NLRP5: variants seen among roughly 807,000 people sequenced by gnomAD.
NLRP5 encodes the protein NLR family pyrin domain containing 5, also known as NACHT, LRR and PYD domains-containing protein 5.
NLRP5 carries 93 observed loss-of-function variants against 113.1 expected under a neutral mutation model. That is an observed-to-expected ratio of 0.82 (90% CI 0.70 to 0.98). The LOEUF is 0.98. NLRP5 is among the 50% of genes least tolerant of loss of function. NLRP5 has a pLI of 0.00. For missense variants in NLRP5, 1,808 were observed against 1,514.3 expected (o/e 1.19, Z -3.22); for synonymous variants, 751 against 600.7 (o/e 1.25, Z -3.66).
chr19:56,045,563 C>T (rs1452550933), intron 11 of NLRP5, among the ~76,000 whole-genome samples: 1 of 152,034 alleles, frequency 6.6e-6, no homozygotes, highest in African/African-American at 2.4e-5. Context: ...CCTCCTCCGA[C>T]CCCACAACAG....
At chr19:56,013,717 C>T (rs1982301724) in intron 3 of NLRP5, among the ~76,000 whole-genome samples, 1 of 148,578 alleles carries the variant, frequency 6.7e-6, no homozygotes, top group Non-Finnish European at 1.5e-5. Flanking sequence ...AGTGGTGGGT[C>T]ATATGGCAAC....
chr19:56,003,595 A>T, intron 1 of NLRP5, 141 bp from the exon 2 acceptor site: 1 of 985,170 alleles, frequency 1.0e-6, no homozygotes, highest in Non-Finnish European at 1.5e-6. Context: ...TAGGATAAAC[A>T]GATATTGTGG....
intron 2 of NLRP5, among the ~76,000 whole-genome samples, chr19:56,005,227 A>C (rs1394648141): frequency 6.9e-6 from 1 of 144,914 alleles, no homozygotes; most frequent in Non-Finnish European, 1.5e-5. Context: ...ATATACACAT[A>C]TATTTTTATA....
chr19:56,034,836 T>C (rs1208541286), intron 9 of NLRP5, among the ~76,000 whole-genome samples: 1 of 150,662 alleles, frequency 6.6e-6, no homozygotes, highest in East Asian at 2.0e-4. Context: ...GTTGGTTGGT[T>C]GGTCGGTCCC....
In NLRP5 at chr19:56,033,660, A is replaced by C. The variant is rs766538637; in HGVS notation, c.2566A>C (p.Met856Leu). The change falls in exon 9 of 15, where the codon ATG (methionine) becomes CTG (leucine). Residue 856 changes from methionine (M) to leucine (L), a missense_variant. Met to Leu is a conservative substitution (Grantham distance 15). Coordinates refer to ENST00000390649, the MANE Select transcript of NLRP5 (RefSeq NM_153447.4). Reference sequence around the variant, plus strand: ...CCACCTGAAGGAAGAGGATGTAAGGATGGCGTGTGAAGCCTTAAAACACCC... The same window carrying C: ...CCACCTGAAGGAAGAGGATGTAAGGCTGGCGTGTGAAGCCTTAAAACACCC... 7 of 1,613,936 alleles carry C rather than the reference A, an allele frequency of 4.3e-6. No individual in the cohort carries two copies. Among genetic ancestry groups the C allele is most frequent in the Non-Finnish European group, 5.9e-6 (7 of 1,179,816 alleles).
chr19:56,010,233 C>T (rs993379568), intron 3 of NLRP5, among the ~76,000 whole-genome samples: 5 of 152,106 alleles, frequency 3.3e-5, no homozygotes, highest in Non-Finnish European at 5.9e-5. Flanking sequence ...TACTGGCTGT[C>T]GTTAGTCATG....
chr19:56,000,528 C>T lies in NLRP5; in HGVS notation c.62+741C>T, dbSNP rs1188488353. On this transcript the variant is annotated intron_variant, in intron 1 of 14. Transcript: ENST00000390649. ...TACAGGCGCCCGCCACCACGCCCGG[C>T]TAATTTTTTGCATTTTTAGTAGAGA... Among the ~76,000 whole-genome samples the T allele has an allele frequency of 3.3e-5, 5 of 151,816 alleles. No individual in the cohort carries two copies. In the East Asian group the frequency reaches 7.9e-4, roughly 24 times the overall value.
At chr19:56,017,565 A>G (rs73934620) in intron 4 of NLRP5, among the ~76,000 whole-genome samples, 4,318 of 152,166 alleles carry the variant, frequency 0.028, 214 homozygotes, top group African/African-American at 0.098. Flanking sequence ...ATATTTGGAA[A>G]TTTTCAAATT....
intron 5 of NLRP5, 36 bp from the exon 6 acceptor site, chr19:56,020,339 A>G: frequency 1.2e-6 from 2 of 1,611,980 alleles, no homozygotes; most frequent in Admixed American, 3.3e-5. Context: ...GACTCGAATA[A>G]TAAACACAAG....
chr19:55,998,700 A>G (rs1054351589), upstream of NLRP5, among the ~76,000 whole-genome samples: 217 of 89,436 alleles, frequency 2.4e-3, 1 homozygote, highest in African/African-American at 5.8e-3. Context: ...ATATATATAT[A>G]TATGTGTGTG....
At chr19:56,026,044 G>A (rs918259008) in intron 6 of NLRP5, among the ~76,000 whole-genome samples, 5 of 152,190 alleles carry the variant, frequency 3.3e-5, no homozygotes, top group Non-Finnish European at 7.4e-5. Flanking sequence ...AAGGGACATC[G>A]GGTTGAACAA....
chr19:55,998,734 A>ATATATATATATATATGTG (rs1981474545), upstream of NLRP5, among the ~76,000 whole-genome samples: 2 of 125,598 alleles, frequency 1.6e-5, no homozygotes, highest in Non-Finnish European at 3.4e-5. Flanking sequence ...ATATATGTGT[A>ATATATATATATATATGTG]TATATATATA....
chr19:55,995,488 A>G (rs111936746), upstream of NLRP5, among the ~76,000 whole-genome samples: 9 of 152,212 alleles, frequency 5.9e-5, no homozygotes, highest in African/African-American at 2.2e-4. Context: ...TGACAGTGCC[A>G]TGCTGTTTTG....
Position 56,028,408 on chromosome 19 carries a change from C to T in NLRP5, c.2175C>T (p.Phe725=). The T allele has an allele frequency of 6.2e-7, 1 of 1,614,018 alleles. No individual in the cohort carries two copies. The stretch of plus-strand genomic sequence containing the variant: ...ACCTGGACTTGATAGCATCTTCCTT[C>T]TGCCTCCAGCACTGTCCGTATTTGC... The change falls in exon 7 of 15, where the codon TTC becomes TTT. Residue 725 remains phenylalanine (F), a synonymous_variant. Transcript: ENST00000390649.
At chr19:56,005,195 A>T (rs1423190106) in intron 2 of NLRP5, among the ~76,000 whole-genome samples, 1 of 138,486 alleles carries the variant, frequency 7.2e-6, no homozygotes, top group South Asian at 2.2e-4. Context: ...ACATATTTTT[A>T]TATACACATA....
At chr19:56,059,191 T>G (rs191196217) in intron 14 of NLRP5, among the ~76,000 whole-genome samples, 1 of 152,348 alleles carries the variant, frequency 6.6e-6, no homozygotes, top group East Asian at 1.9e-4. Context: ...GCAGGAAGTT[T>G]CTTCAGTAGC....
chr19:56,033,270 A>T (rs143360222), intron 8 of NLRP5, among the ~76,000 whole-genome samples: 52 of 151,820 alleles, frequency 3.4e-4, no homozygotes, highest in Middle Eastern at 3.4e-3. Flanking sequence ...ACAAAAAAAA[A>T]CCTTGTGCTG....
chr19:55,986,833 T>C, the NLRP5 span, among the ~76,000 whole-genome samples: 1 of 152,110 alleles, frequency 6.6e-6, no homozygotes, highest in African/African-American at 2.4e-5. Flanking sequence ...TGAGTATTCC[T>C]CCTGTCTTGC....
chr19:56,061,445 G>T lies in NLRP5; in HGVS notation c.3520G>T (p.Val1174Leu), dbSNP rs899427323. The change falls in exon 15 of 15, where the codon GTG (valine) becomes TTG (leucine). Residue 1174 changes from valine to leucine, a missense_variant. Val to Leu is a conservative substitution (Grantham distance 32). Transcript: ENST00000390649. ...GCAAATAAGGAAGCTGCTGGAGGAA[G>T]TGCAGCTACTCAAGCCCCGAGTCGT... 1 of 1,613,804 alleles carries T rather than the reference G, an allele frequency of 6.2e-7. No individual in the cohort carries two copies. The highest frequency in any genetic ancestry group is 8.5e-7 in the Non-Finnish European group (1 of 1,179,702).
Sources: gnomAD v4.1 joint callset for allele counts (sites outside exome capture counted in the v4.1 genomes callset) on GRCh38, gnomAD v4.1.1 for gene constraint, MANE v1.5 for transcripts, NCBI Gene and HGNC (gene_info 2026-07-23, HGNC 2026-07-21) for gene names.